Variants in MYO16 observed in about 807,000 individuals in gnomAD.
MYO16 encodes unconventional myosin-XVI.
A neutral mutation model predicts 205.3 loss-of-function variants in MYO16; 94 were observed. The ratio of observed to expected loss-of-function variants is 0.46; its 90% CI spans 0.39 to 0.54. MYO16 has a LOEUF of 0.54. Ranked by LOEUF, MYO16 falls within the 20% of genes least tolerant of loss-of-function variation. MYO16 has a pLI of 0.00. For missense variants in MYO16, 2,315 were observed against 2,387.5 expected (o/e 0.97, Z 0.63); for synonymous variants, 988 against 954.0 (o/e 1.04, Z -0.66).
chr13:108,873,628 GGCCAACCAACCAGGACAGGGTCCAT>G (rs1566382269), intron 12 of MYO16, among the ~76,000 whole-genome samples: 190 of 147,018 alleles, frequency 1.3e-3, no homozygotes, highest in African/African-American at 4.4e-3. Flanking sequence ...ACAGGGTCCA[GGCCAACCAACCAGGACAGGGTCCAT>G]GCCAACCAAC....
At chr13:108,523,702 C>T in the MYO16 span, among the ~76,000 whole-genome samples, 1 of 152,168 alleles carries the variant, frequency 6.6e-6, no homozygotes, top group East Asian at 1.9e-4. Flanking sequence ...AACCCTGCAC[C>T]ACATGCATGA....
At chr13:109,139,629 A>G (rs1876942328) in intron 31 of MYO16, among the ~76,000 whole-genome samples, 1 of 152,210 alleles carries the variant, frequency 6.6e-6, no homozygotes, top group South Asian at 2.1e-4. Flanking sequence ...GCTCTCCGAA[A>G]AAGAAATTCT....
chr13:108,947,433 C>G (rs756386156), intron 16 of MYO16, among the ~76,000 whole-genome samples: 12 of 152,244 alleles, frequency 7.9e-5, no homozygotes, highest in Non-Finnish European at 2.9e-5. Context: ...TCAGATGCAG[C>G]TCCCCAGGCC....
At chr13:108,592,229 A>G (rs1469284514), upstream of MYO16, among the ~76,000 whole-genome samples, 12 of 12,184 alleles carry the variant, frequency 9.8e-4, no homozygotes, top group South Asian at 2.6e-3. Context: ...GGGTGGGGGG[A>G]GCTGTGTGTG....
intron 32 of MYO16, among the ~76,000 whole-genome samples, chr13:109,142,088 G>T (rs951907918): frequency 6.6e-6 from 1 of 152,192 alleles, no homozygotes; most frequent in African/African-American, 2.4e-5. Flanking sequence ...CCCTGTAGAA[G>T]AATGTACCTG....
At chr13:108,525,006 A>G in the MYO16 span, among the ~76,000 whole-genome samples, 3 of 152,338 alleles carry the variant, frequency 2.0e-5, no homozygotes, top group East Asian at 5.8e-4. Context: ...TTTTTAAAAA[A>G]ATCAAACTTG....
At chr13:108,639,110 C>T (rs1298177972) in intron 1 of MYO16, among the ~76,000 whole-genome samples, 2 of 152,062 alleles carry the variant, frequency 1.3e-5, no homozygotes, top group African/African-American at 2.4e-5. Flanking sequence ...TTTTCAAGAG[C>T]GAGTGATGTG....
chr13:108,673,932 T>C (rs535400163), intron 2 of MYO16, among the ~76,000 whole-genome samples: 1 of 152,312 alleles, frequency 6.6e-6, no homozygotes, highest in South Asian at 2.1e-4. Flanking sequence ...GAAGTCACTT[T>C]GATTTTTGGT....
At chr13:109,034,803 A>G (rs1416016974) in intron 23 of MYO16, among the ~76,000 whole-genome samples, 1 of 152,178 alleles carries the variant, frequency 6.6e-6, no homozygotes, top group Non-Finnish European at 1.5e-5. Flanking sequence ...CCATTTACTA[A>G]ATTTACATAT....
chr13:108,885,484 G>A (rs1256000574), intron 13 of MYO16, among the ~76,000 whole-genome samples: 1 of 152,168 alleles, frequency 6.6e-6, no homozygotes, highest in African/African-American at 2.4e-5. Context: ...TCTAGACTCA[G>A]GCAACCCTAT....
chr13:109,031,236 C>T (rs188126000), intron 23 of MYO16, among the ~76,000 whole-genome samples: 34 of 152,128 alleles, frequency 2.2e-4, no homozygotes, highest in East Asian at 1.4e-3. Context: ...GAACCACAGG[C>T]GCCCACCACC....
the MYO16 span, among the ~76,000 whole-genome samples, chr13:108,539,221 T>A: frequency 7.2e-5 from 11 of 152,152 alleles, no homozygotes; most frequent in African/African-American, 2.7e-4. Flanking sequence ...TTTTTAACGT[T>A]AATAATTTAA....
At chr13:108,688,006 C>T (rs1882746713) in intron 2 of MYO16, among the ~76,000 whole-genome samples, 1 of 152,122 alleles carries the variant, frequency 6.6e-6, no homozygotes, top group African/African-American at 2.4e-5. Flanking sequence ...AAGAGAAAAG[C>T]TCAAAGCAAA....
At chr13:108,916,067 G>A (rs761135662) in intron 16 of MYO16, among the ~76,000 whole-genome samples, 282 of 152,310 alleles carry the variant, frequency 1.9e-3, no homozygotes, top group Admixed American at 3.3e-3. Flanking sequence ...TTGGAGGTGA[G>A]TCTTCATAAT....
intron 12 of MYO16, among the ~76,000 whole-genome samples, chr13:108,878,822 A>T (rs1271236198): frequency 1.3e-5 from 2 of 152,296 alleles, no homozygotes; most frequent in Admixed American, 1.3e-4. Context: ...TTGAGCACAC[A>T]CAGTGGCCAA....
chr13:108,597,746 T>C (rs549900042), intron 1 of MYO16, among the ~76,000 whole-genome samples: 2 of 152,272 alleles, frequency 1.3e-5, no homozygotes, highest in South Asian at 2.1e-4. Context: ...AAATTGCCTG[T>C]GTGTGATTAC....
At chr13:108,497,782 C>A in the MYO16 span, among the ~76,000 whole-genome samples, 4 of 152,178 alleles carry the variant, frequency 2.6e-5, no homozygotes, top group African/African-American at 9.7e-5. Context: ...AAGATACAAG[C>A]CCCACCTGCT....
chr13:108,591,260 C>T (rs1878391608), upstream of MYO16, among the ~76,000 whole-genome samples: 1 of 152,288 alleles, frequency 6.6e-6, no homozygotes, highest in African/African-American at 2.4e-5. Flanking sequence ...CAGGGGTGAG[C>T]TTGTTTGCTG....
intron 3 of MYO16, among the ~76,000 whole-genome samples, chr13:108,718,813 T>C (rs1566569288): frequency 6.6e-6 from 1 of 152,106 alleles, no homozygotes; most frequent in African/African-American, 2.4e-5. Context: ...TAGTTCAGAA[T>C]TTTAGATCAT....
Sources: allele counts gnomAD v4.1 joint callset (sites outside exome capture counted in the v4.1 genomes callset), GRCh38; gene constraint gnomAD v4.1.1; transcripts MANE v1.5; gene names NCBI Gene and HGNC (gene_info 2026-07-23, HGNC 2026-07-21).